ST8SIA5: variants seen among roughly 807,000 people sequenced by gnomAD.
The protein encoded by ST8SIA5 is alpha-2,8-sialyltransferase 8E.
In ST8SIA5, 24 loss-of-function variants were observed where a neutral mutation model predicts 40.2. The ratio of observed to expected loss-of-function variants is 0.60; its 90% confidence interval spans 0.43 to 0.84. The LOEUF (loss-of-function observed/expected upper bound fraction) is 0.84. ST8SIA5 is among the 40% of genes least tolerant of loss of function. ST8SIA5 has a pLI of 0.00. For synonymous variants in ST8SIA5, 198 were observed against 201.8 expected (o/e 0.98, Z 0.16); for missense variants, 465 against 498.5 (o/e 0.93, Z 0.64).
chr18:46,729,648 G>C (rs925424854), intron 1 of ST8SIA5, among the ~76,000 whole-genome samples: 5 of 152,212 alleles, frequency 3.3e-5, no homozygotes, highest in African/African-American at 1.2e-4. Context: ...GCACCAGGCA[G>C]GGAGGGGTAT....
At chr18:46,753,365 G>A (rs1006553478) in intron 1 of ST8SIA5, among the ~76,000 whole-genome samples, 1 of 152,108 alleles carries the variant, frequency 6.6e-6, no homozygotes, top group Non-Finnish European at 1.5e-5. Context: ...AAGGTCAGGA[G>A]ATCAAGACCA....
Position 46,707,860 on chromosome 18 carries a change from G to A in ST8SIA5, c.132-3196C>T, listed in dbSNP as rs553945269. Among the ~76,000 whole-genome samples the A allele has an allele frequency of 1.1e-3, 168 of 152,300 alleles. No individual in the cohort carries two copies. In the South Asian group the frequency reaches 0.021, roughly 19 times the overall value. ...ATGCTGTTTATGAACCAGGAAGTAG[G>A]TCCTCACCTGAAACTTAATCTGCCT... On this transcript the variant is annotated intron_variant, in intron 1 of 6. Transcript: ENST00000315087.
chr18:46,700,882 C>T (rs955175698), intron 2 of ST8SIA5, among the ~76,000 whole-genome samples: 1 of 152,168 alleles, frequency 6.6e-6, no homozygotes, highest in Non-Finnish European at 1.5e-5. Context: ...TCTCATGTTC[C>T]TCTCTAAAGA....
intron 1 of ST8SIA5, among the ~76,000 whole-genome samples, chr18:46,756,167 G>A (rs923135276): frequency 6.6e-6 from 1 of 152,214 alleles, no homozygotes; most frequent in African/African-American, 2.4e-5. Flanking sequence ...GAACAAAGTT[G>A]TCTGGACCCT....
chr18:46,746,538 C>T (rs2040142460), intron 1 of ST8SIA5, among the ~76,000 whole-genome samples: 1 of 152,154 alleles, frequency 6.6e-6, no homozygotes, highest in South Asian at 2.1e-4. Flanking sequence ...TCAAGGAGAA[C>T]TACAAACCAC....
intron 1 of ST8SIA5, among the ~76,000 whole-genome samples, chr18:46,714,414 G>A (rs556825431): frequency 6.6e-6 from 1 of 152,262 alleles, no homozygotes; most frequent in South Asian, 2.1e-4. Context: ...TCTCAAAGAT[G>A]GTCTACAAGG....
Position 46,689,373 on chromosome 18 carries a change from G to T in ST8SIA5, c.312-454C>A, listed in dbSNP as rs556983238. Among the ~76,000 whole-genome samples, 6 of 152,274 alleles carry T rather than the reference G, an allele frequency of 3.9e-5. No homozygotes were observed. The South Asian group carries it at 6.2e-4, about 16-fold the overall frequency. On this transcript the variant is annotated intron_variant, in intron 3 of 6. Coordinates refer to ENST00000315087, the MANE Select transcript of ST8SIA5 (RefSeq NM_013305.6). ...TTCCAAAGAGCTCCCAGCCAGGCCT[G>T]GCATGGAAACTTGGGCTGCCGTCCT...
At chr18:46,755,186 C>A (rs1378859071) in intron 1 of ST8SIA5, among the ~76,000 whole-genome samples, 1 of 152,192 alleles carries the variant, frequency 6.6e-6, no homozygotes, top group Non-Finnish European at 1.5e-5. Context: ...AAGTGCTCGG[C>A]TTTTCCACTG....
chr18:46,734,310 T>A (rs2040013451), intron 1 of ST8SIA5, among the ~76,000 whole-genome samples: 1 of 152,112 alleles, frequency 6.6e-6, no homozygotes, highest in Admixed American at 6.5e-5. Flanking sequence ...GGCCTTTCAT[T>A]GGAGGCAAAA....
intron 1 of ST8SIA5, among the ~76,000 whole-genome samples, chr18:46,745,766 A>G (rs2040133720): frequency 6.6e-6 from 1 of 152,224 alleles, no homozygotes; most frequent in Non-Finnish European, 1.5e-5. Flanking sequence ...CACAACCAAA[A>G]AGAGAATTTT....
At chr18:46,721,364 G>A (rs938448314) in intron 1 of ST8SIA5, 3 of 1,535,956 alleles carry the variant, frequency 2.0e-6, no homozygotes, top group Non-Finnish European at 2.6e-6. Flanking sequence ...GTCTGTACCT[G>A]GAGCTGGAGT....
chr18:46,682,130 GGGGGA>G, intron 5 of ST8SIA5, 66 bp from the exon 6 acceptor site: 2 of 1,275,746 alleles, frequency 1.6e-6, no homozygotes, highest in Non-Finnish European at 1.1e-6. Flanking sequence ...GGAGGGTGCA[GGGGGA>G]GGGGAGGGAT....
chr18:46,709,271 G>A (rs1031611837), intron 1 of ST8SIA5, among the ~76,000 whole-genome samples: 18 of 152,226 alleles, frequency 1.2e-4, no homozygotes, highest in African/African-American at 4.1e-4. Flanking sequence ...GCTTCAAACA[G>A]CCTTTTGCCT....
intron 5 of ST8SIA5, among the ~76,000 whole-genome samples, chr18:46,682,395 T>A (rs778677160): frequency 4.6e-5 from 7 of 152,208 alleles, no homozygotes; most frequent in Non-Finnish European, 8.8e-5. Flanking sequence ...AGCATCTCCT[T>A]TCCTAGGGAG....
intron 1 of ST8SIA5, among the ~76,000 whole-genome samples, chr18:46,709,522 A>G (rs1243987285): frequency 6.6e-6 from 1 of 152,220 alleles, no homozygotes; most frequent in Non-Finnish European, 1.5e-5. Flanking sequence ...TTCTAACAGG[A>G]CGCTCAAGAA....
intron 1 of ST8SIA5, among the ~76,000 whole-genome samples, chr18:46,748,039 G>C (rs1389677397): frequency 6.6e-6 from 1 of 152,002 alleles, no homozygotes; most frequent in Non-Finnish European, 1.5e-5. Context: ...CTTGGACACA[G>C]GGTGGGGAAC....
At chr18:46,687,264 C>T (rs1425332272) in intron 4 of ST8SIA5, among the ~76,000 whole-genome samples, 1 of 152,222 alleles carries the variant, frequency 6.6e-6, no homozygotes, top group Admixed American at 6.5e-5. Flanking sequence ...GAAAGTGTTA[C>T]TGGAACATAG....
intron 1 of ST8SIA5, among the ~76,000 whole-genome samples, chr18:46,725,401 C>T (rs1055802962): frequency 6.6e-5 from 10 of 152,182 alleles, no homozygotes; most frequent in African/African-American, 2.4e-4. Flanking sequence ...AGCTAGCCAG[C>T]CACACTGTCA....
chr18:46,730,348 A>G (rs2039974124), intron 1 of ST8SIA5: 11 of 733,250 alleles, frequency 1.5e-5, no homozygotes, highest in Non-Finnish European at 1.8e-5. Flanking sequence ...CCTCAACCTA[A>G]GGATATAAAC....
Sources: gnomAD v4.1 joint callset for allele counts (sites outside exome capture counted in the v4.1 genomes callset) on GRCh38, gnomAD v4.1.1 for gene constraint, MANE v1.5 for transcripts, NCBI Gene and HGNC (gene_info 2026-07-23, HGNC 2026-07-21) for gene names.